IMMP2L: variants seen among roughly 807,000 people sequenced by gnomAD.
The protein encoded by IMMP2L is mitochondrial inner membrane protease subunit 2.
IMMP2L carries 18 observed loss-of-function variants against 19.3 expected under a neutral mutation model. The observed-to-expected ratio is 0.93, with a 90% CI of 0.64 to 1.38. The LOEUF is 1.38. Among genes scored for constraint, IMMP2L ranks in the 40% most tolerant of loss-of-function variants. The pLI is 0.00. For missense variants in IMMP2L, 233 were observed against 218.2 expected, an observed-to-expected ratio of 1.07 and a Z score of -0.43; for synonymous variants, 76 against 73.0, an observed-to-expected ratio of 1.04 and a Z score of -0.21.
chr7:110,845,847 T>G (rs112602394), intron 5 of IMMP2L, among the ~76,000 whole-genome samples: 1 of 152,104 alleles, frequency 6.6e-6, no homozygotes, highest in East Asian at 1.9e-4. Flanking sequence ...ACGAGACTAG[T>G]GCCCTTATAA....
intron 5 of IMMP2L, among the ~76,000 whole-genome samples, chr7:110,670,580 C>T (rs1791828798): frequency 6.6e-6 from 1 of 151,812 alleles, no homozygotes; most frequent in Non-Finnish European, 1.5e-5. Flanking sequence ...ATCCCAGCTA[C>T]TCGCCAGGCT....
intron 3 of IMMP2L, among the ~76,000 whole-genome samples, chr7:111,183,540 T>C (rs1007233893): frequency 2.0e-5 from 3 of 152,126 alleles, no homozygotes; most frequent in Non-Finnish European, 4.4e-5. Context: ...CTGCAAGCTC[T>C]GTCCACAGAG....
chr7:111,389,146 T>G (rs987153069), intron 3 of IMMP2L, among the ~76,000 whole-genome samples: 1 of 152,116 alleles, frequency 6.6e-6, no homozygotes, highest in Non-Finnish European at 1.5e-5. Flanking sequence ...AGCATCGCTT[T>G]TGTGGTAATA....
At chr7:110,852,630 G>A (rs1806354241) in intron 5 of IMMP2L, among the ~76,000 whole-genome samples, 1 of 152,048 alleles carries the variant, frequency 6.6e-6, no homozygotes, top group Non-Finnish European at 1.5e-5. Context: ...ACCCTGGACT[G>A]TCTCCAGGAA....
At chr7:111,458,442 T>C (rs1467918555) in intron 3 of IMMP2L, among the ~76,000 whole-genome samples, 2 of 151,634 alleles carry the variant, frequency 1.3e-5, no homozygotes, top group Non-Finnish European at 2.9e-5. Flanking sequence ...ATGCTTTCTG[T>C]TTTAACAAAT....
intron 4 of IMMP2L, among the ~76,000 whole-genome samples, chr7:110,929,711 A>G (rs1049849094): frequency 3.9e-5 from 6 of 152,174 alleles, no homozygotes; most frequent in Admixed American, 3.9e-4. Flanking sequence ...CATGACTTAC[A>G]AGAATCTGCA....
intron 4 of IMMP2L, among the ~76,000 whole-genome samples, chr7:110,917,502 A>T (rs1392170595): frequency 6.6e-6 from 1 of 152,222 alleles, no homozygotes; most frequent in Non-Finnish European, 1.5e-5. Flanking sequence ...TGTGAAGATG[A>T]CATTATTATT....
intron 3 of IMMP2L, among the ~76,000 whole-genome samples, chr7:111,063,929 A>G (rs1294050870): frequency 1.3e-5 from 2 of 152,168 alleles, no homozygotes; most frequent in African/African-American, 4.8e-5. Flanking sequence ...TCTTCTTCTG[A>G]ACCCTCCAAC....
At chr7:111,364,967 CAAA>C (rs372903536) in intron 3 of IMMP2L, among the ~76,000 whole-genome samples, 1 of 113,456 alleles carries the variant, frequency 8.8e-6, no homozygotes, top group African/African-American at 3.2e-5. Flanking sequence ...GAGACTCTGT[CAAA>C]AAAAAAAAAA....
intron 3 of IMMP2L, among the ~76,000 whole-genome samples, chr7:111,323,024 ACT>A (rs1254048674): frequency 1.3e-5 from 2 of 151,854 alleles, no homozygotes; most frequent in African/African-American, 4.8e-5. Context: ...ACTGTAATAA[ACT>A]CTCTTTCTTC....
Position 111,128,033 on chromosome 7 carries a change from T to C in IMMP2L, c.240-164468A>G, listed in dbSNP as rs1236381012. Among the ~76,000 whole-genome samples the C allele has an allele frequency of 3.3e-5, 5 of 152,098 alleles. No individual in the cohort carries two copies. The East Asian group carries it at 9.6e-4, about 29-fold the overall frequency. On this transcript the variant is annotated intron_variant, in intron 3 of 5. Coordinates refer to ENST00000405709, the MANE Select transcript of IMMP2L (RefSeq NM_032549.4). ...TTCACCAAGAAAGAAATGAAACAGA[T>C]TTATGGTACATATACTAGTCATTTA...
chr7:110,870,774 A>G lies in IMMP2L; in HGVS notation c.408+15819T>C, dbSNP rs983420078. Reference sequence around the variant, plus strand: ...CGGAAAGGGAAGAGATGGAGAGGCCATACAATGTGAGGGCCCTAAAGGCCA... The same window carrying G: ...CGGAAAGGGAAGAGATGGAGAGGCCGTACAATGTGAGGGCCCTAAAGGCCA... On this transcript the variant is annotated intron_variant, in intron 5 of 5. Coordinates refer to ENST00000405709, the MANE Select transcript of IMMP2L (RefSeq NM_032549.4). The surrounding 1 kb of genome is among the most constrained non-coding windows in gnomAD (Gnocchi z 4.2). Among the ~76,000 whole-genome samples the G allele has an allele frequency of 3.3e-5, 5 of 152,178 alleles. No homozygotes were observed.
At chr7:111,033,387 ACAGCCACTTT>A in intron 3 of IMMP2L, among the ~76,000 whole-genome samples, 1 of 148,578 alleles carries the variant, frequency 6.7e-6, no homozygotes, top group African/African-American at 2.6e-5. Flanking sequence ...GCAAAGTGGC[ACAGCCACTTT>A]GAAAGAGGGT....
intron 3 of IMMP2L, among the ~76,000 whole-genome samples, chr7:111,421,362 C>A (rs1342656482): frequency 6.7e-6 from 1 of 150,074 alleles, no homozygotes; most frequent in Admixed American, 6.6e-5. Flanking sequence ...CTCCGCCTCC[C>A]GGGTTCACGC....
At position 111,539,214 on chromosome 7, in the gene IMMP2L, GAA is replaced by G. The variant is rs1563330995; in HGVS notation, c.-2-17767_-2-17766del. Among the ~76,000 whole-genome samples the G allele has an allele frequency of 4.0e-3, 381 of 94,872 alleles. 22 individuals are homozygous for G. The highest frequency in any genetic ancestry group is 6.0e-3 in the Middle Eastern group (1 of 168). The allele number at this position is 94,872 out of a possible 152,430, so 62.2% of individuals were successfully genotyped here. A position where few individuals can be genotyped will look rare whatever the true frequency, so the allele number is the denominator to read the frequency against. On this transcript the variant is annotated intron_variant, in intron 1 of 5. Coordinates refer to ENST00000405709, the MANE Select transcript of IMMP2L (RefSeq NM_032549.4). ...AAGGAGGGAGAAAGAAAGAAAGAAAGAAAGAAAGAAAGAAAGAAAGAAAGAAA... is the reference window on the plus strand; with the variant it reads ...AAGGAGGGAGAAAGAAAGAAAGAAAGAGAAAGAAAGAAAGAAAGAAAGAAA...
intron 3 of IMMP2L, among the ~76,000 whole-genome samples, chr7:111,225,351 T>C (rs942215193): frequency 2.2e-4 from 34 of 152,078 alleles, no homozygotes; most frequent in Admixed American, 2.6e-4. Flanking sequence ...GCAGCAGTAG[T>C]AATATTAATA....
intron 3 of IMMP2L, among the ~76,000 whole-genome samples, chr7:111,137,268 A>C (rs531806403): frequency 6.6e-6 from 1 of 152,256 alleles, no homozygotes; most frequent in African/African-American, 2.4e-5. Context: ...CTCATTCTAT[A>C]TTCAATTTAT....
intron 4 of IMMP2L, among the ~76,000 whole-genome samples, chr7:110,956,798 T>A (rs772913232): frequency 1.7e-4 from 26 of 151,934 alleles, no homozygotes; most frequent in Non-Finnish European, 2.9e-4. Flanking sequence ...CATTTCTGAC[T>A]GGGCAGAGAA....
At chr7:110,755,037 G>A (rs968667160) in intron 5 of IMMP2L, among the ~76,000 whole-genome samples, 3 of 151,910 alleles carry the variant, frequency 2.0e-5, no homozygotes, top group African/African-American at 7.2e-5. Context: ...GATGCAGAAT[G>A]ATACAGGCAA....
Sources: allele counts gnomAD v4.1 joint callset (sites outside exome capture counted in the v4.1 genomes callset), GRCh38; gene constraint gnomAD v4.1.1; non-coding constraint Gnocchi (gnomAD v3.1); transcripts MANE v1.5; gene names NCBI Gene and HGNC (gene_info 2026-07-23, HGNC 2026-07-21).